U2SURP: variants seen among roughly 807,000 people sequenced by gnomAD.
U2SURP encodes the protein U2 snRNP-associated SURP motif-containing protein.
In U2SURP, 9 loss-of-function variants were observed where a neutral mutation model predicts 144.9. The observed-to-expected ratio is 0.06, with a 90% CI of 0.04 to 0.11. The LOEUF is 0.11. Among genes scored for constraint, U2SURP ranks in the 10% least tolerant of loss-of-function variants. The pLI is 1.00. For missense variants in U2SURP, 724 were observed against 1,226.7 expected (o/e 0.59, Z 6.12); for synonymous variants, 408 against 396.8 (o/e 1.03, Z -0.33).
At chr3:143,026,574 A>G (rs1560187849) in intron 13 of U2SURP, 1 of 152,174 alleles carries the variant, frequency 6.6e-6, no homozygotes, top group Non-Finnish European at 1.5e-5. Flanking sequence ...TTAATAAAAA[A>G]TGCATCTGGT....
intron 25 of U2SURP, 49 bp from the exon 26 acceptor site, chr3:143,053,627 C>A (rs1009105757): frequency 9.3e-6 from 10 of 1,078,710 alleles, no homozygotes; most frequent in Admixed American, 2.8e-5. Flanking sequence ...TGAGATTAAC[C>A]CACATTGATA....
chr3:143,060,438 TTA>T lies in U2SURP; in HGVS notation c.*3991_*3992del, dbSNP rs1312384793. ...CTGCTTTCCAGATCAGACTGTCACT[TTA>T]TAGTTTTTCTACATAAAGATTATAT... On this transcript the variant is annotated 3_prime_UTR_variant, in exon 28 of 28. Transcript: ENST00000473835. The T allele has an allele frequency of 8.6e-5, 13 of 151,986 alleles. No individual in the cohort carries two copies. The highest frequency in any genetic ancestry group is 7.4e-5 in the Non-Finnish European group (5 of 67,872). 9.4% of individuals were successfully genotyped at this position (151,986 alleles called of 1,614,324 possible).
chr3:143,055,226 ATT>A, intron 27 of U2SURP, 107 bp downstream of exon 27: 1 of 1,010,982 alleles, frequency 9.9e-7, no homozygotes, highest in Non-Finnish European at 1.4e-6. Flanking sequence ...TTTTTTAAGG[ATT>A]TTAGAAAACC....
At chr3:143,053,843 A>C (rs1472988974) in intron 26 of U2SURP, 49 bp downstream of exon 26, 18 of 1,429,510 alleles carry the variant, frequency 1.3e-5, no homozygotes, top group Admixed American at 2.4e-5. Context: ...CAAGATTTGC[A>C]GTGGTGTTTT....
intron 23 of U2SURP, among the ~76,000 whole-genome samples, chr3:143,040,672 C>T (rs1243336115): frequency 6.6e-6 from 1 of 151,712 alleles, no homozygotes; most frequent in African/African-American, 2.4e-5. Context: ...GAGGAAGAAG[C>T]TGTGATAAGA....
intron 16 of U2SURP, 139 bp downstream of exon 16, chr3:143,028,785 A>T (rs1332924438): frequency 7.1e-6 from 5 of 708,056 alleles, no homozygotes; most frequent in Non-Finnish European, 1.1e-5. Flanking sequence ...ATCTTTCATC[A>T]TGTGCTTTAT....
At position 143,021,343 on chromosome 3, in the gene U2SURP, C is replaced by A; in HGVS notation, c.734-7C>A. 2 of 1,589,968 alleles carry A rather than the reference C, an allele frequency of 1.3e-6. No individual in the cohort carries two copies. Among genetic ancestry groups the A allele is most frequent in the Admixed American group, 1.8e-5 (1 of 56,452 alleles). ...ACTAATAATTGTCTTCTTTTCTCCCCTTTAAGTGGACGCGCCTTCAAGAAG... is the reference window on the plus strand; with the variant it reads ...ACTAATAATTGTCTTCTTTTCTCCCATTTAAGTGGACGCGCCTTCAAGAAG... On this transcript the variant is annotated splice_polypyrimidine_tract_variant and splice_region_variant and intron_variant, in intron 8 of 27. Coordinates refer to ENST00000473835, the MANE Select transcript of U2SURP (RefSeq NM_001080415.2).
chr3:143,028,358 G>A lies in U2SURP; in HGVS notation c.1398G>A (p.Gln466=), dbSNP rs1337007195. 1.9e-6 allele frequency: 3 copies of A among 1,612,448 alleles called. No individual in the cohort carries two copies. The highest frequency in any genetic ancestry group is 3.3e-5 in the Admixed American group (2 of 59,794). The change falls in exon 15 of 28, where the codon CAG becomes CAA. Residue 466 remains glutamine, a synonymous_variant. Coordinates refer to ENST00000473835, the MANE Select transcript of U2SURP (RefSeq NM_001080415.2). The part of the protein sequence containing the change: ...NPMFRFLFEN[Q]TPAHVYYRWK... ...TGTGTAGGTTCTTATTTGAAAACCA[G>A]ACACCAGCCCATGTTTACTATAGGT...
Position 143,019,132 on chromosome 3 carries a change from A to G in U2SURP, c.571-837A>G, listed in dbSNP as rs1461522171. Among the ~76,000 whole-genome samples the G allele has an allele frequency of 3.3e-5, 5 of 151,980 alleles. No homozygotes were observed. The East Asian group carries it at 7.7e-4, about 23-fold the overall frequency. ...ACTTGGCCCACTTTTTAATTGGGTT[A>G]TTTGTATTTTTGTTGTTGAATCGTA... On this transcript the variant is annotated intron_variant, in intron 6 of 27. Coordinates refer to ENST00000473835, the MANE Select transcript of U2SURP (RefSeq NM_001080415.2).
At chr3:143,037,018 C>CT in intron 20 of U2SURP, 161 bp from the exon 21 acceptor site, 1 of 673,214 alleles carries the variant, frequency 1.5e-6, no homozygotes. Context: ...GCACAACTGA[C>CT]TGCTTCTTTA....
intron 1 of U2SURP, among the ~76,000 whole-genome samples, chr3:143,006,546 G>A (rs775893795): frequency 3.3e-5 from 5 of 152,216 alleles, no homozygotes; most frequent in East Asian, 1.9e-4. Context: ...ACCTGAGGTC[G>A]GGAGTTCAAG....
In U2SURP at chr3:143,034,297, G is replaced by A. The variant is rs146953001; in HGVS notation, c.1854-591G>A. On this transcript the variant is annotated intron_variant, in intron 18 of 27. Transcript: ENST00000473835. Reference sequence around the variant, plus strand: ...TGTGCCTCTGTAATCCCAGCTACTCGGGAAGCTGAGGCAGGAGAATCGCTT... The same window carrying A: ...TGTGCCTCTGTAATCCCAGCTACTCAGGAAGCTGAGGCAGGAGAATCGCTT... Among the ~76,000 whole-genome samples, 115 of 152,182 alleles carry A rather than the reference G, an allele frequency of 7.6e-4. No homozygotes were observed. The East Asian group carries it at 0.018, about 24-fold the overall frequency.
At chr3:143,020,473 A>G in intron 7 of U2SURP, 126 bp from the exon 8 acceptor site, 1 of 672,138 alleles carries the variant, frequency 1.5e-6, no homozygotes, top group Non-Finnish European at 2.6e-6. Context: ...AATCTTGGTT[A>G]TCAGTACCAG....
At chr3:143,016,456 G>A in intron 5 of U2SURP, 85 bp downstream of exon 5, 1 of 1,175,564 alleles carries the variant, frequency 8.5e-7, no homozygotes, top group Non-Finnish European at 1.2e-6. Context: ...ATGACTGCAG[G>A]TAGATAATTA....
In U2SURP at chr3:143,028,570, T is replaced by C. The variant is rs746545830; in HGVS notation, c.1534T>C (p.Leu512=). Residue 512 remains leucine, a synonymous_variant, in exon 16 of 28, where the codon TTG becomes CTG. Transcript: ENST00000473835. The stretch of plus-strand genomic sequence containing the variant: ...GAGGCCACCACCATTAAATCCGTAC[T>C]TGCATGGAATGTCAGAAGAGCAAGA... ...FWRPPPLNPY[L]HGMSEEQETE... is the part of the protein sequence containing the mutation. 6.3e-7 allele frequency: 1 copy of C among 1,599,874 alleles called. No homozygotes were observed. Among genetic ancestry groups the C allele is most frequent in the South Asian group, 1.1e-5 (1 of 87,712 alleles).
rs774858523 is a variant in U2SURP, at chr3:143,012,342, A to C, written c.211A>C (p.Asn71His). Residue 71 changes from asparagine (N) to histidine (H), a missense_variant, in exon 3 of 28, where the codon AAT becomes CAT. Transcript: ENST00000473835. ...RESLCDSPHQ[N>H]LSRPLLENKL... ...AAGCCTTTGTGATTCTCCTCATCAGAATCTCTCAAGAGTGAGTATAGATAA... is the reference window on the plus strand; with the variant it reads ...AAGCCTTTGTGATTCTCCTCATCAGCATCTCTCAAGAGTGAGTATAGATAA... 4 of 1,611,456 alleles carry C rather than the reference A, an allele frequency of 2.5e-6. No individual in the cohort carries two copies. The African/African-American group carries it at 5.3e-5, about 22-fold the overall frequency.
chr3:143,022,404 G>A (rs1475234599), intron 10 of U2SURP, 93 bp from the exon 11 acceptor site: 2 of 1,270,662 alleles, frequency 1.6e-6, no homozygotes, highest in Admixed American at 2.6e-5. Context: ...TTGCTATGTT[G>A]CTTTTTATTT....
chr3:143,010,804 G>T lies in U2SURP; in HGVS notation c.46-11G>T. ...TTTTAAATTATTGACTTTTATTTTT[G>T]ATACTTGTAGACGAGATCATCAGAT... On this transcript the variant is annotated splice_polypyrimidine_tract_variant and intron_variant, in intron 1 of 27. Coordinates refer to ENST00000473835, the MANE Select transcript of U2SURP (RefSeq NM_001080415.2). 1 of 1,595,466 alleles carries T rather than the reference G, an allele frequency of 6.3e-7. No individual in the cohort carries two copies. Among genetic ancestry groups the T allele is most frequent in the South Asian group, 1.1e-5 (1 of 89,028 alleles).
chr3:143,015,436 T>A (rs1936324752), intron 4 of U2SURP, among the ~76,000 whole-genome samples: 1 of 16,500 alleles, frequency 6.1e-5, no homozygotes, highest in Non-Finnish European at 1.1e-4. Context: ...GGTTTTTCAG[T>A]TTTTTCCATT....
Sources: allele counts gnomAD v4.1 joint callset (sites outside exome capture counted in the v4.1 genomes callset), GRCh38; gene constraint gnomAD v4.1.1; transcripts MANE v1.5; gene names NCBI Gene and HGNC (gene_info 2026-07-23, HGNC 2026-07-21).